Variants in CSMD2 observed in about 807,000 individuals in gnomAD.
The protein encoded by CSMD2 is CUB and Sushi multiple domains 2, also known as CUB and sushi domain-containing protein 2.
In CSMD2, 130 loss-of-function variants were observed where a neutral mutation model predicts 398.5. The ratio of observed to expected loss-of-function variants is 0.33; its 90% CI spans 0.28 to 0.38. CSMD2 has a LOEUF of 0.38. Among genes scored for constraint, CSMD2 ranks in the 10% least tolerant of loss-of-function variants. CSMD2 has a pLI of 1.00. For missense variants in CSMD2, 3,829 were observed against 4,764.9 expected (o/e 0.80, Z 5.78); for synonymous variants, 1,828 against 1,908.5 (o/e 0.96, Z 1.10).
intron 7 of CSMD2, among the ~76,000 whole-genome samples, chr1:33,825,130 T>A (rs76036040): frequency 7.2e-6 from 1 of 138,126 alleles, no homozygotes; most frequent in Non-Finnish European, 1.5e-5. Context: ...AAAGATGTCA[T>A]CCTCCCCATG....
chr1:34,031,041 A>G (rs1650345400), intron 3 of CSMD2, among the ~76,000 whole-genome samples: 1 of 152,102 alleles, frequency 6.6e-6, no homozygotes, highest in South Asian at 2.1e-4. Context: ...GGCCAGGTTG[A>G]AGGAATAAAT....
intron 21 of CSMD2, among the ~76,000 whole-genome samples, chr1:33,711,451 C>T (rs1031828180): frequency 4.6e-5 from 7 of 152,156 alleles, no homozygotes; most frequent in Admixed American, 3.3e-4. Context: ...GTAGAATCAA[C>T]GCATGAGATT....
intron 9 of CSMD2, among the ~76,000 whole-genome samples, chr1:33,815,112 T>C (rs754818583): frequency 6.6e-6 from 1 of 152,148 alleles, no homozygotes; most frequent in African/African-American, 2.4e-5. Context: ...GCCATCACAA[T>C]AGAAACTTCA....
intron 60 of CSMD2, 92 bp downstream of exon 60, chr1:33,540,433 C>T: frequency 2.2e-6 from 3 of 1,355,908 alleles, no homozygotes; most frequent in South Asian, 2.7e-5. Flanking sequence ...AGGGGACTAC[C>T]TATTCTGGGC....
intron 5 of CSMD2, among the ~76,000 whole-genome samples, chr1:33,913,438 C>T (rs557217996): frequency 7.2e-5 from 11 of 152,276 alleles, no homozygotes; most frequent in Non-Finnish European, 1.0e-4. Flanking sequence ...ATAGGGCCAA[C>T]GAGGCTCTGA....
At chr1:33,586,381 G>A in intron 46 of CSMD2, 123 bp downstream of exon 46, 1 of 634,788 alleles carries the variant, frequency 1.6e-6, no homozygotes, top group Admixed American at 2.3e-5. Flanking sequence ...CATTTACCAA[G>A]TGACCTTTCA....
chr1:33,994,305 A>T (rs1398995787), intron 3 of CSMD2, among the ~76,000 whole-genome samples: 1 of 152,068 alleles, frequency 6.6e-6, no homozygotes, highest in Non-Finnish European at 1.5e-5. Context: ...AGGGAGAATG[A>T]GTGACAGGCA....
At chr1:33,582,888 C>T (rs1018697665) in intron 47 of CSMD2, among the ~76,000 whole-genome samples, 7 of 152,186 alleles carry the variant, frequency 4.6e-5, no homozygotes, top group Non-Finnish European at 7.4e-5. Context: ...TTGATCTGGC[C>T]ATGTAGTCTT....
chr1:33,848,376 T>G (rs894873972), intron 5 of CSMD2, among the ~76,000 whole-genome samples: 1 of 152,190 alleles, frequency 6.6e-6, no homozygotes, highest in Non-Finnish European at 1.5e-5. Flanking sequence ...AGGCAAAGAA[T>G]GAATACGCAG....
chr1:33,517,947 C>T (rs1201715380), intron 70 of CSMD2, among the ~76,000 whole-genome samples: 4 of 152,258 alleles, frequency 2.6e-5, no homozygotes, highest in Non-Finnish European at 5.9e-5. Context: ...CAGGCACCCT[C>T]ATAAAAGCCT....
chr1:33,519,373 G>T lies in CSMD2; in HGVS notation c.*53+92C>A. The T allele has an allele frequency of 1.4e-6, 1 of 720,268 alleles. No homozygotes were observed. Among genetic ancestry groups the T allele is most frequent in the Non-Finnish European group, 2.3e-6 (1 of 427,318 alleles). 44.6% of individuals were successfully genotyped at this position (720,268 alleles called of 1,614,324 possible). The stretch of plus-strand genomic sequence containing the variant: ...TCCTCTTACTGGGTGTGTCTATGTG[G>T]TGTGTGCGACTCCGTTGGGTGGAGC... On this transcript the variant is annotated intron_variant, in intron 70 of 70. Transcript: ENST00000373381. This position sits in a 1 kb window ranked among gnomAD's most constrained non-coding sequence, Gnocchi z 5.6.
chr1:34,098,539 T>C lies in CSMD2; in HGVS notation c.188-9346A>G, dbSNP rs1659631555. Reference sequence around the variant, plus strand: ...TCATTTCACAAGATACTAAACAGCATCATAAATGACACTTATGAAAATAGT... The same window carrying C: ...TCATTTCACAAGATACTAAACAGCACCATAAATGACACTTATGAAAATAGT... On this transcript the variant is annotated intron_variant, in intron 1 of 70. Coordinates refer to ENST00000373381, the MANE Select transcript of CSMD2 (RefSeq NM_001281956.2). Among the ~76,000 whole-genome samples, 6 of 151,930 alleles carry C rather than the reference T, an allele frequency of 3.9e-5. No individual in the cohort carries two copies. In the South Asian group the frequency reaches 1.0e-3, roughly 26 times the overall value.
chr1:33,658,210 C>G (rs1329080514), intron 26 of CSMD2, 73 bp from the exon 27 acceptor site: 2 of 1,317,460 alleles, frequency 1.5e-6, no homozygotes, highest in East Asian at 4.7e-5. Flanking sequence ...CAGCTCATCA[C>G]CCTCACTGAT....
intron 9 of CSMD2, among the ~76,000 whole-genome samples, chr1:33,816,673 T>C (rs1015757387): frequency 2.6e-5 from 4 of 152,212 alleles, no homozygotes; most frequent in African/African-American, 9.6e-5. Context: ...CTTTGTGTGA[T>C]GAAAATTTTC....
chr1:34,127,757 G>C (rs923944132), intron 1 of CSMD2, among the ~76,000 whole-genome samples: 2 of 152,108 alleles, frequency 1.3e-5, no homozygotes, highest in African/African-American at 4.8e-5. Context: ...CATAGTCCAG[G>C]TGGCAGGCCC....
At chr1:33,965,570 C>T (rs188722814) in intron 3 of CSMD2, among the ~76,000 whole-genome samples, 2 of 152,262 alleles carry the variant, frequency 1.3e-5, no homozygotes, top group Admixed American at 1.3e-4. Context: ...GGGTCCTTGC[C>T]TTCTGGGATT....
intron 3 of CSMD2, among the ~76,000 whole-genome samples, chr1:34,003,280 T>C (rs1458292201): frequency 1.3e-5 from 2 of 152,200 alleles, no homozygotes; most frequent in African/African-American, 4.8e-5. Flanking sequence ...TACAGTGGAA[T>C]TGGATTAATC....
intron 27 of CSMD2, among the ~76,000 whole-genome samples, 167 bp from the exon 28 acceptor site, chr1:33,652,628 G>A (rs1285590206): frequency 1.3e-5 from 2 of 152,228 alleles, no homozygotes; most frequent in Non-Finnish European, 2.9e-5. Context: ...CTACTTTGGA[G>A]GGTGGGAATA....
chr1:33,732,029 T>C (rs558211726), intron 15 of CSMD2, among the ~76,000 whole-genome samples: 2 of 152,336 alleles, frequency 1.3e-5, no homozygotes, highest in South Asian at 4.1e-4. Context: ...TTCATTATAC[T>C]ATTCTCTCTG....
Sources: allele counts gnomAD v4.1 joint callset (sites outside exome capture counted in the v4.1 genomes callset), GRCh38; gene constraint gnomAD v4.1.1; non-coding constraint Gnocchi (gnomAD v3.1); transcripts MANE v1.5; gene names NCBI Gene and HGNC (gene_info 2026-07-23, HGNC 2026-07-21).